Variants in DSCAML1 observed in about 807,000 individuals in gnomAD.
DSCAML1 encodes DS cell adhesion molecule like 1.
A neutral mutation model predicts 200.5 loss-of-function variants in DSCAML1; 38 were observed. The ratio of observed to expected loss-of-function variants is 0.19; its 90% confidence interval spans 0.15 to 0.25. The LOEUF (loss-of-function observed/expected upper bound fraction) is 0.25. Ranked by LOEUF, DSCAML1 falls within the 10% of genes least tolerant of loss-of-function variation. The pLI, the probability that DSCAML1 is intolerant of heterozygous loss-of-function variation, is 1.00. For missense variants in DSCAML1, 2,223 were observed against 2,858.8 expected (o/e 0.78, Z 5.07); for synonymous variants, 1,215 against 1,165.0 (o/e 1.04, Z -0.87).
chr11:117,769,170 T>A lies in DSCAML1; in HGVS notation c.511+7621A>T, dbSNP rs1319634665. Among the ~76,000 whole-genome samples the A allele has an allele frequency of 5.5e-4, 13 of 23,652 alleles. No individual in the cohort carries two copies. The East Asian group carries it at 0.065, about 118-fold the overall frequency. 15.5% of individuals were successfully genotyped at this position (23,652 alleles called of 152,430 possible). On this transcript the variant is annotated intron_variant, in intron 3 of 32. Coordinates refer to ENST00000651296, the MANE Select transcript of DSCAML1 (RefSeq NM_020693.4). ...TATATATTTTATATATATTATATAT[T>A]TTATATATATTATACATATATATTT... is the stretch of plus-strand genomic sequence containing the variant.
chr11:117,558,102 G>A (rs1421675815), intron 3 of DSCAML1, among the ~76,000 whole-genome samples: 3 of 152,078 alleles, frequency 2.0e-5, no homozygotes, highest in African/African-American at 7.2e-5. Flanking sequence ...CAGAAAAGAC[G>A]GGGATGGGCG....
intron 3 of DSCAML1, among the ~76,000 whole-genome samples, chr11:117,733,552 T>C (rs190901849): frequency 1.3e-5 from 2 of 152,274 alleles, no homozygotes; most frequent in Non-Finnish European, 2.9e-5. Context: ...CACACCCTCC[T>C]GCAAGAGAGT....
At chr11:117,496,272 C>A (rs2049287207) in intron 11 of DSCAML1, among the ~76,000 whole-genome samples, 1 of 152,164 alleles carries the variant, frequency 6.6e-6, no homozygotes, top group Non-Finnish European at 1.5e-5. Context: ...TCTTGCCTTT[C>A]TCTCTGTTAG....
At chr11:117,803,478 C>A (rs2055680068) in intron 1 of DSCAML1, among the ~76,000 whole-genome samples, 1 of 151,886 alleles carries the variant, frequency 6.6e-6, no homozygotes, top group Non-Finnish European at 1.5e-5. Flanking sequence ...GTTGCAATTT[C>A]TTTTTATCTT....
At chr11:117,599,952 G>A (rs1343410641) in intron 3 of DSCAML1, among the ~76,000 whole-genome samples, 1 of 152,160 alleles carries the variant, frequency 6.6e-6, no homozygotes. Flanking sequence ...CTAGGGCCAG[G>A]CTCTGTATTT....
Position 117,521,005 on chromosome 11 carries a change from C to T in DSCAML1, c.1213+125G>A. 8 of 1,280,942 alleles carry T rather than the reference C, an allele frequency of 6.2e-6. No individual in the cohort carries two copies. In the South Asian group the frequency reaches 8.5e-5, roughly 14 times the overall value. The allele number at this position is 1,280,942 out of a possible 1,614,324, so 79.3% of individuals were successfully genotyped here. ...ACAGGGCCCTTAGGGTGAGATGGTG[C>T]ACCGGCCTGGTGTGTAGTGAGCGCT... On this transcript the variant is annotated intron_variant, in intron 6 of 32. Coordinates refer to ENST00000651296, the MANE Select transcript of DSCAML1 (RefSeq NM_020693.4).
chr11:117,641,358 A>G (rs1465068944), intron 3 of DSCAML1, among the ~76,000 whole-genome samples: 1 of 152,214 alleles, frequency 6.6e-6, no homozygotes, highest in African/African-American at 2.4e-5. Context: ...TGATTTCAGC[A>G]TCCTCTGCGA....
Position 117,474,784 on chromosome 11 carries a change from T to G in DSCAML1, c.2786-2748A>C, listed in dbSNP as rs181951257. ...TTTTTTTTTTTTTTGAGATGGAGTC[T>G]CGCTCTGTCGCCCAGGCTGGAGTGC... is the stretch of plus-strand genomic sequence containing the variant. On this transcript the variant is annotated intron_variant, in intron 14 of 32. Transcript: ENST00000651296. 5.6e-3 allele frequency among the ~76,000 whole-genome samples: 842 copies of G among 151,088 alleles called. 11 individuals are homozygous for G. Among genetic ancestry groups the G allele is most frequent in the African/African-American group, 0.018 (746 of 41,074 alleles).
chr11:117,713,893 A>T (rs983942257), intron 3 of DSCAML1, among the ~76,000 whole-genome samples: 11 of 152,168 alleles, frequency 7.2e-5, no homozygotes, highest in Non-Finnish European at 1.5e-4. Flanking sequence ...CCAGCCACTC[A>T]TCTTTGCACC....
intron 3 of DSCAML1, among the ~76,000 whole-genome samples, chr11:117,672,565 C>T (rs186671501): frequency 3.9e-5 from 6 of 152,274 alleles, no homozygotes; most frequent in South Asian, 2.1e-4. Flanking sequence ...CAGTTCCCAG[C>T]GACGCAATCA....
chr11:117,505,650 C>G lies in DSCAML1; in HGVS notation c.1866G>C (p.Gly622=), dbSNP rs754268457. ...LLYIPCVVSS[G]DMPIRITWRK... is the part of the protein sequence containing the mutation. ...TCCAGGTGATACGGATGGGCATGTC[C>G]CCCGAGGACACCACACAGGGAATGT... Residue 622 remains glycine, a synonymous_variant, in exon 9 of 33, where the codon GGG becomes GGC. Transcript: ENST00000651296. This position sits in a 1 kb window ranked among gnomAD's most constrained non-coding sequence, Gnocchi z 6.7. 2 of 1,613,876 alleles carry G rather than the reference C, an allele frequency of 1.2e-6. No homozygotes were observed. Among genetic ancestry groups the G allele is most frequent in the Non-Finnish European group, 1.7e-6 (2 of 1,180,034 alleles).
intron 4 of DSCAML1, among the ~76,000 whole-genome samples, chr11:117,531,965 AG>A (rs547242105): frequency 2.5e-5 from 3 of 120,778 alleles, no homozygotes; most frequent in Non-Finnish European, 5.2e-5. Context: ...GGAGGGAGGG[AG>A]GGACGAAATA....
At chr11:117,493,638 A>T (rs538385124) in intron 11 of DSCAML1, among the ~76,000 whole-genome samples, 57 of 142,032 alleles carry the variant, frequency 4.0e-4, no homozygotes, top group African/African-American at 1.5e-3. Flanking sequence ...TTATTTATTT[A>T]TTTTTTTGAG....
intron 3 of DSCAML1, among the ~76,000 whole-genome samples, chr11:117,535,226 T>TAAAG (rs1021856123): frequency 1.3e-5 from 2 of 152,202 alleles, no homozygotes; most frequent in African/African-American, 4.8e-5. Flanking sequence ...TGCAGTCAAC[T>TAAAG]AAAGACCCTG....
chr11:117,648,404 G>A (rs574944370), intron 3 of DSCAML1, among the ~76,000 whole-genome samples: 2 of 152,266 alleles, frequency 1.3e-5, no homozygotes, highest in South Asian at 2.1e-4. Flanking sequence ...CCGCTTCCAC[G>A]CAGTTCACCT....
intron 30 of DSCAML1, 88 bp downstream of exon 30, chr11:117,432,264 C>T: frequency 7.1e-7 from 1 of 1,407,900 alleles, no homozygotes; most frequent in South Asian, 1.5e-5. Flanking sequence ...TCCCTCCTCC[C>T]TTTAAAAAAA....
chr11:117,626,259 C>T (rs1221390099), intron 3 of DSCAML1, among the ~76,000 whole-genome samples: 1 of 147,330 alleles, frequency 6.8e-6, no homozygotes, highest in Non-Finnish European at 1.5e-5. Flanking sequence ...AAGTTATCAC[C>T]TGCCCCTGCT....
chr11:117,809,347 G>A (rs894937176), intron 1 of DSCAML1, among the ~76,000 whole-genome samples: 1 of 152,250 alleles, frequency 6.6e-6, no homozygotes, highest in African/African-American at 2.4e-5. Flanking sequence ...CCTCCCCGCT[G>A]TGCCTGACTC....
intron 3 of DSCAML1, among the ~76,000 whole-genome samples, chr11:117,700,381 A>G (rs759461524): frequency 2.0e-5 from 3 of 152,072 alleles, no homozygotes; most frequent in Non-Finnish European, 4.4e-5. Context: ...ATCACATCCT[A>G]TCCTATCCTC....
Sources: gnomAD v4.1 joint callset for allele counts (sites outside exome capture counted in the v4.1 genomes callset) on GRCh38, gnomAD v4.1.1 for gene constraint, Gnocchi (gnomAD v3.1) non-coding constraint, MANE v1.5 for transcripts, NCBI Gene and HGNC (gene_info 2026-07-23, HGNC 2026-07-21) for gene names.